Variants in INPP4B observed in about 807,000 individuals in gnomAD.
INPP4B encodes the protein inositol polyphosphate 4-phosphatase type II.
Under a neutral mutation model 122.5 loss-of-function variants are expected in INPP4B, and 55 were observed. The observed-to-expected ratio is 0.45, with a 90% CI of 0.36 to 0.56. The LOEUF is 0.56. INPP4B is among the 20% of genes least tolerant of loss of function. The pLI is 0.00. For missense variants in INPP4B, 1,000 were observed against 1,097.7 expected, an observed-to-expected ratio of 0.91 and a Z score of 1.26; for synonymous variants, 403 against 388.7, an observed-to-expected ratio of 1.04 and a Z score of -0.43.
intron 11 of INPP4B, among the ~76,000 whole-genome samples, chr4:142,255,546 T>C (rs13149612): frequency 0.76 from 115,267 of 151,802 alleles, 45,066 homozygotes; most frequent in East Asian, 0.93. Flanking sequence ...AAGGCAGGGG[T>C]TGCAATCCTA....
chr4:142,570,053 A>G (rs1382540025), intron 2 of INPP4B, among the ~76,000 whole-genome samples: 2 of 152,150 alleles, frequency 1.3e-5, no homozygotes, highest in Non-Finnish European at 2.9e-5. Flanking sequence ...AATAAACACA[A>G]CTAAAGAGAA....
intron 2 of INPP4B, among the ~76,000 whole-genome samples, chr4:142,666,929 TAAATC>T (rs1756196073): frequency 6.6e-6 from 1 of 152,198 alleles, no homozygotes; most frequent in Non-Finnish European, 1.5e-5. Flanking sequence ...AGCTCAGCTG[TAAATC>T]ACAAACAAAA....
intron 1 of INPP4B, among the ~76,000 whole-genome samples, chr4:142,824,192 C>T (rs547936069): frequency 6.6e-6 from 1 of 152,242 alleles, no homozygotes; most frequent in South Asian, 2.1e-4. Flanking sequence ...AGATCACCAG[C>T]TTGCAGATGG....
At chr4:142,714,101 A>ATAAAAT in intron 2 of INPP4B, among the ~76,000 whole-genome samples, 1 of 152,218 alleles carries the variant, frequency 6.6e-6, no homozygotes, top group Non-Finnish European at 1.5e-5. Context: ...AATGTGCATC[A>ATAAAAT]TACAATTACA....
At chr4:142,366,962 G>T (rs1220865107) in intron 7 of INPP4B, among the ~76,000 whole-genome samples, 1 of 152,098 alleles carries the variant, frequency 6.6e-6, no homozygotes, top group Non-Finnish European at 1.5e-5. Context: ...TGCAAGAAGT[G>T]CTAGTGAAAC....
intron 1 of INPP4B, among the ~76,000 whole-genome samples, chr4:142,776,247 A>AGGAAG (rs1773900607): frequency 6.6e-6 from 1 of 152,166 alleles, no homozygotes; most frequent in Non-Finnish European, 1.5e-5. Context: ...AGTGTAGCTC[A>AGGAAG]TAGAGGAAGT....
At chr4:142,099,937 T>C (rs1314580516) in intron 23 of INPP4B, among the ~76,000 whole-genome samples, 1 of 152,124 alleles carries the variant, frequency 6.6e-6, no homozygotes, top group Non-Finnish European at 1.5e-5. Context: ...TCACATCTTA[T>C]AAATCCAAGC....
At chr4:142,209,664 G>A (rs781301960) in intron 12 of INPP4B, among the ~76,000 whole-genome samples, 4 of 151,386 alleles carry the variant, frequency 2.6e-5, no homozygotes, top group African/African-American at 4.9e-5. Context: ...GTGGTGGTGC[G>A]TGCCTGTAGT....
At chr4:142,710,639 G>C (rs1344213177) in intron 2 of INPP4B, among the ~76,000 whole-genome samples, 4 of 152,110 alleles carry the variant, frequency 2.6e-5, no homozygotes, top group African/African-American at 9.7e-5. Flanking sequence ...TGTCTACCAA[G>C]CTTCATGAAT....
intron 8 of INPP4B, among the ~76,000 whole-genome samples, chr4:142,314,210 A>T (rs1766617725): frequency 6.6e-6 from 1 of 152,172 alleles, no homozygotes; most frequent in South Asian, 2.1e-4. Flanking sequence ...TAAATTCTGA[A>T]TGCTAGAGAG....
intron 17 of INPP4B, among the ~76,000 whole-genome samples, chr4:142,147,778 G>C (rs1811575114): frequency 6.6e-6 from 1 of 152,090 alleles, no homozygotes; most frequent in African/African-American, 2.4e-5. Context: ...TTTCCACTAA[G>C]AATTGAAAGC....
intron 17 of INPP4B, among the ~76,000 whole-genome samples, chr4:142,151,701 C>T (rs1367222389): frequency 6.6e-6 from 1 of 152,160 alleles, no homozygotes; most frequent in Non-Finnish European, 1.5e-5. Context: ...GCCAATATTA[C>T]ATTCTTCTCT....
intron 7 of INPP4B, among the ~76,000 whole-genome samples, chr4:142,357,251 G>A (rs558629551): frequency 1.3e-5 from 2 of 152,096 alleles, no homozygotes; most frequent in African/African-American, 2.4e-5. Flanking sequence ...ATAATCTAGG[G>A]ACCCACTACT....
At chr4:142,588,571 T>G (rs1167870553) in intron 2 of INPP4B, among the ~76,000 whole-genome samples, 1 of 149,458 alleles carries the variant, frequency 6.7e-6, no homozygotes, top group Admixed American at 6.7e-5. Context: ...ATATATAAAT[T>G]TTATAATTTT....
At chr4:142,839,383 G>A (rs1248908695) in intron 1 of INPP4B, among the ~76,000 whole-genome samples, 2 of 152,038 alleles carry the variant, frequency 1.3e-5, no homozygotes, top group Non-Finnish European at 2.9e-5. Flanking sequence ...ACTGGAACCC[G>A]GGAGGCAGAG....
In INPP4B at chr4:142,249,698, C is replaced by T. The variant is rs184088455; in HGVS notation, c.688+10794G>A. Among the ~76,000 whole-genome samples, 153 of 152,232 alleles carry T rather than the reference C, an allele frequency of 1.0e-3. 2 individuals are homozygous for T. The highest frequency in any genetic ancestry group is 2.7e-3 in the South Asian group (13 of 4,812). ...AGCTGAACTGTCTTTCAGGATGAAA[C>T]GGCTGGTTGAAAAACCTAGGCTTTA... On this transcript the variant is annotated intron_variant, in intron 11 of 25. Transcript: ENST00000262992.
chr4:142,576,222 A>G (rs1733805830), intron 2 of INPP4B, among the ~76,000 whole-genome samples: 1 of 151,982 alleles, frequency 6.6e-6, no homozygotes, highest in African/African-American at 2.4e-5. Flanking sequence ...GATCTAGTAG[A>G]ATTGCATTCT....
intron 2 of INPP4B, among the ~76,000 whole-genome samples, chr4:142,481,406 G>A (rs766474721): frequency 6.6e-6 from 1 of 152,046 alleles, no homozygotes; most frequent in Non-Finnish European, 1.5e-5. Context: ...ACCACTAAAA[G>A]CACCTAACTC....
At chr4:142,427,950 A>T (rs11728236) in intron 5 of INPP4B, among the ~76,000 whole-genome samples, 32,881 of 151,704 alleles carry the variant, frequency 0.22, 4,468 homozygotes, top group Middle Eastern at 0.31. Context: ...AGGGAGAAAA[A>T]AATAATAGCC....
Sources: gnomAD v4.1 joint callset for allele counts (sites outside exome capture counted in the v4.1 genomes callset) on GRCh38, gnomAD v4.1.1 for gene constraint, MANE v1.5 for transcripts, NCBI Gene and HGNC (gene_info 2026-07-23, HGNC 2026-07-21) for gene names.